Variants in SPTLC1 observed in about 807,000 individuals in gnomAD.
The protein encoded by SPTLC1 is serine palmitoyltransferase long chain base subunit 1, also known as serine palmitoyltransferase 1.
A neutral mutation model predicts 68.9 loss-of-function variants in SPTLC1; 55 were observed. That is an observed-to-expected ratio of 0.80 (90% CI 0.64 to 1.00). SPTLC1 has a LOEUF of 1.00. SPTLC1 is among the 50% of genes least tolerant of loss of function. SPTLC1 has a pLI of 0.00. For missense variants in SPTLC1, 449 were observed against 573.1 expected (o/e 0.78, Z 2.21); for synonymous variants, 197 against 201.6 (o/e 0.98, Z 0.19).
chr9:92,050,038 T>C lies in SPTLC1; in HGVS notation c.810A>G (p.Arg270=), dbSNP rs758126453. Residue 270 remains arginine (R), a synonymous_variant, in exon 9 of 15, where the codon AGA becomes AGG. Transcript: ENST00000262554. ...ATGAAAGGCTTTCCTCCAGGAAGAT[T>C]CTTGCTTTGTATTTGTATTTTAACT... ...LVKLKYKYKA[R]IFLEESLSFG... The C allele has an allele frequency of 1.9e-6, 3 of 1,613,626 alleles. No homozygotes were observed. In the South Asian group the frequency reaches 3.3e-5, roughly 18 times the overall value.
chr9:92,090,373 C>T (rs1474559683), intron 3 of SPTLC1, among the ~76,000 whole-genome samples: 6 of 152,154 alleles, frequency 3.9e-5, no homozygotes, highest in African/African-American at 1.4e-4. Context: ...CTTTGGGACA[C>T]CAAAGCAGGG....
At chr9:92,066,228 T>C (rs969648579) in intron 6 of SPTLC1, among the ~76,000 whole-genome samples, 1 of 152,196 alleles carries the variant, frequency 6.6e-6, no homozygotes, top group Non-Finnish European at 1.5e-5. Flanking sequence ...AGGGTGCGTG[T>C]GAGAGAGTGT....
intron 3 of SPTLC1, among the ~76,000 whole-genome samples, chr9:92,102,707 A>C (rs180955515): frequency 6.6e-6 from 1 of 152,234 alleles, no homozygotes; most frequent in African/African-American, 2.4e-5. Flanking sequence ...TCAGTACAGA[A>C]ACTCACCAAA....
intron 3 of SPTLC1, among the ~76,000 whole-genome samples, chr9:92,096,266 A>C (rs1375941978): frequency 6.6e-6 from 1 of 152,140 alleles, no homozygotes; most frequent in Non-Finnish European, 1.5e-5. Flanking sequence ...TCCTAGTGCA[A>C]GCCCCTCAGT....
At chr9:92,084,750 C>A (rs1835042536) in intron 3 of SPTLC1, among the ~76,000 whole-genome samples, 1 of 151,836 alleles carries the variant, frequency 6.6e-6, no homozygotes, top group African/African-American at 2.4e-5. Context: ...ATGATGCTGG[C>A]CTCATAAAAT....
intron 3 of SPTLC1, chr9:92,104,569 C>T (rs931812776): frequency 7.4e-6 from 11 of 1,479,498 alleles, no homozygotes; most frequent in Middle Eastern, 1.7e-4. Context: ...CCGTGAGGAT[C>T]TCTTGTCTCA....
At chr9:92,101,948 A>T (rs1835770057) in intron 3 of SPTLC1, among the ~76,000 whole-genome samples, 1 of 152,058 alleles carries the variant, frequency 6.6e-6, no homozygotes, top group Non-Finnish European at 1.5e-5. Flanking sequence ...GCTTAAAGGG[A>T]CATATTCAAC....
At chr9:92,108,680 A>G (rs1836100041) in intron 3 of SPTLC1, 60 bp downstream of exon 3, 4 of 1,586,850 alleles carry the variant, frequency 2.5e-6, no homozygotes, top group Non-Finnish European at 3.4e-6. Context: ...AAAGCACTAT[A>G]GACTGCAGGT....
At position 92,047,218 on chromosome 9, in the gene SPTLC1, T is replaced by A; in HGVS notation, c.1035A>T (p.Leu345Phe). 6.2e-7 allele frequency: 1 copy of A among 1,614,112 alleles called. No homozygotes were observed. The highest frequency in any genetic ancestry group is 1.7e-5 in the Admixed American group (1 of 60,018). The stretch of plus-strand genomic sequence containing the variant: ...TGAGGGCCTCAATTGCTGCAGCAGC[T>A]AACAGGGGAGGTAACGAAGCTGAAA... ...YCFSASLPPL[L>F]AAAAIEALNI... Residue 345 changes from leucine (L) to phenylalanine (F), a missense_variant, in exon 11 of 15, where the codon TTA (leucine) becomes TTT (phenylalanine). Physicochemically the swap from Leu to Phe is conservative, Grantham distance 22. Around this residue, in one of 3 missense-constraint regions of SPTLC1, gnomAD observed 391 missense variants for 472.1 expected, o/e 0.83. Coordinates refer to ENST00000262554, the MANE Select transcript of SPTLC1 (RefSeq NM_006415.4).
chr9:92,079,264 C>A, intron 5 of SPTLC1: 1 of 602,246 alleles, frequency 1.7e-6, no homozygotes, highest in South Asian at 2.6e-5. Flanking sequence ...TTAGTAGAGA[C>A]GAGGTTTCAG....
At chr9:92,055,014 CAA>C (rs1229200400) in intron 8 of SPTLC1, among the ~76,000 whole-genome samples, 2 of 152,034 alleles carry the variant, frequency 1.3e-5, no homozygotes, top group Admixed American at 1.3e-4. Context: ...CGCTTGAGCC[CAA>C]GAGTTTGAGA....
intron 5 of SPTLC1, among the ~76,000 whole-genome samples, chr9:92,073,145 A>G (rs558112760): frequency 5.9e-5 from 9 of 152,296 alleles, no homozygotes; most frequent in East Asian, 5.8e-4. Flanking sequence ...GAGCCGAAGG[A>G]AAAGTCCAGG....
intron 5 of SPTLC1, among the ~76,000 whole-genome samples, chr9:92,074,642 G>GTTA (rs1459124128): frequency 6.6e-6 from 1 of 152,106 alleles, no homozygotes; most frequent in East Asian, 1.9e-4. Context: ...CCTAAAGCCT[G>GTTA]TTATTACCTG....
chr9:92,058,956 T>C (rs1833991084), intron 7 of SPTLC1, among the ~76,000 whole-genome samples: 1 of 152,200 alleles, frequency 6.6e-6, no homozygotes, highest in African/African-American at 2.4e-5. Context: ...AGAAAGCTGC[T>C]TGGATTACCT....
At chr9:92,115,213 G>T in intron 1 of SPTLC1, 101 bp downstream of exon 1, 2 of 1,170,184 alleles carry the variant, frequency 1.7e-6, no homozygotes, top group Non-Finnish European at 2.5e-6. Flanking sequence ...GGGCGTGACC[G>T]AGCCAGTCCC....
chr9:92,091,012 C>T (rs1835343594), intron 3 of SPTLC1, among the ~76,000 whole-genome samples: 2 of 152,194 alleles, frequency 1.3e-5, no homozygotes, highest in Admixed American at 1.3e-4. Flanking sequence ...TTCTACTTTC[C>T]CTAAGCCATC....
At chr9:92,077,158 TG>T (rs1834711123) in intron 5 of SPTLC1, 2 of 152,242 alleles carry the variant, frequency 1.3e-5, no homozygotes, top group African/African-American at 4.8e-5. Context: ...AGCCACACCC[TG>T]GGAACCCACC....
At chr9:92,095,111 G>C (rs1321292487) in intron 3 of SPTLC1, among the ~76,000 whole-genome samples, 1 of 148,582 alleles carries the variant, frequency 6.7e-6, no homozygotes, top group Non-Finnish European at 1.5e-5. Flanking sequence ...AAGAAAGACT[G>C]GGAATCCAGT....
At position 92,108,568 on chromosome 9, in the gene SPTLC1, G is replaced by C. The variant is rs529986608; in HGVS notation, c.260+172C>G. 20 of 881,176 alleles carry C rather than the reference G, an allele frequency of 2.3e-5. No homozygotes were observed. In the South Asian group the frequency reaches 3.4e-4, roughly 15 times the overall value. 54.6% of individuals were successfully genotyped at this position (881,176 alleles called of 1,614,324 possible). A position where few individuals can be genotyped will look rare whatever the true frequency, so the allele number is the denominator to read the frequency against. On this transcript the variant is annotated intron_variant, in intron 3 of 14. Transcript: ENST00000262554. ...AAATTGGAGATTTTAAAAAATGCCTGTATCATCCCTAGAATAAATTTTTTA... is the reference window on the plus strand; with the variant it reads ...AAATTGGAGATTTTAAAAAATGCCTCTATCATCCCTAGAATAAATTTTTTA...
Sources: allele counts gnomAD v4.1 joint callset (sites outside exome capture counted in the v4.1 genomes callset), GRCh38; gene constraint gnomAD v4.1.1; regional missense constraint gnomAD v4.1.1; transcripts MANE v1.5; gene names NCBI Gene and HGNC (gene_info 2026-07-23, HGNC 2026-07-21).